Variants in CR1 observed in about 807,000 individuals in gnomAD.
CR1 encodes the protein complement C3b/C4b receptor 1 (Knops blood group).
In CR1, 116 loss-of-function variants were observed where a neutral mutation model predicts 187.3. The ratio of observed to expected loss-of-function variants is 0.62; its 90% CI spans 0.53 to 0.72. The LOEUF (loss-of-function observed/expected upper bound fraction) is 0.72, where lower values mean the gene tolerates loss of function less well. CR1 is among the 30% of genes least tolerant of loss of function. The probability of loss-of-function intolerance (pLI) is 0.00; values close to 1 mark genes in which losing one functional copy is unlikely to be tolerated. For missense variants in CR1, 1,731 were observed against 2,110.7 expected, an observed-to-expected ratio of 0.82 and a Z score of 3.52; for synonymous variants, 576 against 747.1, an observed-to-expected ratio of 0.77 and a Z score of 3.73.
At position 207,580,618 on chromosome 1, in the gene CR1, G is replaced by A; in HGVS notation, c.5216+5G>A. On this transcript the variant is annotated splice_donor_5th_base_variant and intron_variant, in intron 31 of 46. Transcript: ENST00000367049. The stretch of plus-strand genomic sequence containing the variant: ...GTCCTTTGTCTGTGATGAAGGGTAA[G>A]TGTGACCCAGAATTCAGATCAGGGA... 1 of 1,610,128 alleles carries A rather than the reference G, an allele frequency of 6.2e-7. No homozygotes were observed. The highest frequency in any genetic ancestry group is 8.5e-7 in the Non-Finnish European group (1 of 1,177,440).
intron 28 of CR1, among the ~76,000 whole-genome samples, chr1:207,577,229 G>T (rs1378841349): frequency 1.3e-5 from 2 of 148,432 alleles, no homozygotes; most frequent in Non-Finnish European, 3.0e-5. Flanking sequence ...CCAGTGTGGG[G>T]AACAGAGTGA....
Position 207,508,488 on chromosome 1 carries a change from A to G in CR1, c.401+1675A>G, listed in dbSNP as rs143013886. On this transcript the variant is annotated intron_variant, in intron 3 of 46. Coordinates refer to ENST00000367049, the MANE Select transcript of CR1 (RefSeq NM_000651.6). ...CACAAAGTCTATTTTTTAAAACTGCATAGACATAAATACATGGGCATATGT... is the reference window on the plus strand; with the variant it reads ...CACAAAGTCTATTTTTTAAAACTGCGTAGACATAAATACATGGGCATATGT... 8.1e-4 allele frequency among the ~76,000 whole-genome samples: 123 copies of G among 152,372 alleles called. 1 individual carries two copies. Among genetic ancestry groups the G allele is most frequent in the African/African-American group, 1.9e-3 (80 of 41,588 alleles).
chr1:207,525,657 A>T (rs1397602935), intron 5 of CR1, among the ~76,000 whole-genome samples: 1 of 152,064 alleles, frequency 6.6e-6, no homozygotes, highest in Non-Finnish European at 1.5e-5. Context: ...GAGCCCAGCT[A>T]TCAAGGAAGA....
At chr1:207,508,618 T>A (rs1258432922) in intron 3 of CR1, among the ~76,000 whole-genome samples, 1 of 152,256 alleles carries the variant, frequency 6.6e-6, no homozygotes, top group Non-Finnish European at 1.5e-5. Context: ...GTTGCACTAT[T>A]GTTTTGCAAA....
chr1:207,614,886 T>C (rs1453084944), intron 40 of CR1, among the ~76,000 whole-genome samples: 3 of 152,202 alleles, frequency 2.0e-5, no homozygotes, highest in African/African-American at 7.2e-5. Context: ...CACAGCTCAC[T>C]GCAGCCTCAA....
At chr1:207,517,314 AT>A (rs1659836679) in intron 4 of CR1, among the ~76,000 whole-genome samples, 1 of 151,986 alleles carries the variant, frequency 6.6e-6, no homozygotes, top group South Asian at 2.1e-4. Context: ...TCATATTTTT[AT>A]TGTAACATTG....
In CR1 at chr1:207,526,030, C is replaced by T. The variant is rs540879722; in HGVS notation, c.887-723C>T. On this transcript the variant is annotated intron_variant, in intron 5 of 46. Transcript: ENST00000367049. ...AAATGTGTTCTGATTTCCTGAGTTCCAATCAACTATATTAAGAGAGAGCCA... is the reference window on the plus strand; with the variant it reads ...AAATGTGTTCTGATTTCCTGAGTTCTAATCAACTATATTAAGAGAGAGCCA... Among the ~76,000 whole-genome samples, 10 of 152,124 alleles carry T rather than the reference C, an allele frequency of 6.6e-5. No homozygotes were observed. The East Asian group carries it at 1.7e-3, about 26-fold the overall frequency.
chr1:207,575,777 G>A, intron 28 of CR1, 97 bp downstream of exon 28: 1 of 1,566,016 alleles, frequency 6.4e-7, no homozygotes, highest in Admixed American at 1.7e-5. Context: ...CTTGGAAATG[G>A]TATCCTTCTG....
intron 5 of CR1, among the ~76,000 whole-genome samples, chr1:207,524,621 C>G (rs1660110805): frequency 6.6e-6 from 1 of 151,966 alleles, no homozygotes. Context: ...CTCCTCAGCT[C>G]AAGCAATTCA....
intron 32 of CR1, among the ~76,000 whole-genome samples, chr1:207,582,756 A>G (rs1660996873): frequency 6.6e-6 from 1 of 152,194 alleles, no homozygotes; most frequent in Admixed American, 6.5e-5. Flanking sequence ...TGCAGATGAC[A>G]GGATTTGGTG....
At chr1:207,582,123 T>A (rs1227903038) in intron 32 of CR1, 120 bp downstream of exon 32, 2 of 608,924 alleles carry the variant, frequency 3.3e-6, no homozygotes, top group Admixed American at 6.5e-5. Flanking sequence ...TAGAAATTGT[T>A]CTTTGTTGGA....
At position 207,595,709 on chromosome 1, in the gene CR1, T is replaced by C. The variant is rs1246876879; in HGVS notation, c.5810+6935T>C. On this transcript the variant is annotated intron_variant, in intron 35 of 46. Coordinates refer to ENST00000367049, the MANE Select transcript of CR1 (RefSeq NM_000651.6). ...AAAAAGAAAAACTCCCACAAAGCTG[T>C]GGGAGTTTTTCTTTTTGAAGAAGAA... Among the ~76,000 whole-genome samples the C allele has an allele frequency of 2.0e-5, 3 of 151,040 alleles. No homozygotes were observed. The East Asian group carries it at 5.8e-4, about 29-fold the overall frequency.
intron 35 of CR1, among the ~76,000 whole-genome samples, chr1:207,602,527 A>G (rs1354654348): frequency 6.6e-6 from 1 of 152,072 alleles, no homozygotes; most frequent in Non-Finnish European, 1.5e-5. Context: ...ATATAAATAT[A>G]CTCTCTAATG....
chr1:207,502,256 A>G (rs1436225593), intron 1 of CR1, among the ~76,000 whole-genome samples: 1 of 152,242 alleles, frequency 6.6e-6, no homozygotes, highest in East Asian at 1.9e-4. Flanking sequence ...AAAGATAAAA[A>G]GCACAAATTG....
intron 35 of CR1, among the ~76,000 whole-genome samples, chr1:207,594,539 T>C (rs934800571): frequency 2.0e-5 from 3 of 152,068 alleles, no homozygotes; most frequent in Non-Finnish European, 2.9e-5. Flanking sequence ...CACCATGACA[T>C]GTGTATACCT....
chr1:207,594,406 G>A (rs1661367171), intron 35 of CR1, among the ~76,000 whole-genome samples: 1 of 152,078 alleles, frequency 6.6e-6, no homozygotes, highest in Non-Finnish European at 1.5e-5. Context: ...TGAACAATGA[G>A]AACACATGGA....
Position 207,567,934 on chromosome 1 carries a change from G to A in CR1, c.4063G>A (p.Asp1355Asn), listed in dbSNP as rs1212539706. 4.3e-6 allele frequency: 7 copies of A among 1,610,576 alleles called. No homozygotes were observed. The highest frequency in any genetic ancestry group is 5.9e-6 in the Non-Finnish European group (7 of 1,179,634). The change falls in exon 25 of 47, where the codon GAC (aspartate) becomes AAC (asparagine). Residue 1355 changes from aspartate to asparagine, a missense_variant. Physicochemically the swap from Asp to Asn is conservative, Grantham distance 23. This residue lies in a region of CR1 where 1,312 missense variants were observed against 1,379.6 expected (regional missense o/e 0.95). Transcript: ENST00000367049. ...AVNYTCDPHP[D>N]RGTSFDLIGE... ...AAATTACACATGCGACCCCCACCCAGACAGAGGGACGAGCTTCGACCTCAT... is the reference window on the plus strand; with the variant it reads ...AAATTACACATGCGACCCCCACCCAAACAGAGGGACGAGCTTCGACCTCAT...
intron 41 of CR1, among the ~76,000 whole-genome samples, chr1:207,617,544 T>C (rs1229915073): frequency 8.7e-6 from 1 of 114,690 alleles, no homozygotes. Context: ...TGTGTATGTG[T>C]GTATATATAT....
intron 27 of CR1, among the ~76,000 whole-genome samples, chr1:207,572,763 C>G (rs939363820): frequency 6.7e-6 from 1 of 149,266 alleles, no homozygotes; most frequent in African/African-American, 2.5e-5. Flanking sequence ...GGGCCACGCT[C>G]CCTCTGAATC....
Sources: allele counts gnomAD v4.1 joint callset (sites outside exome capture counted in the v4.1 genomes callset), GRCh38; gene constraint gnomAD v4.1.1; regional missense constraint gnomAD v4.1.1; transcripts MANE v1.5; gene names NCBI Gene and HGNC (gene_info 2026-07-23, HGNC 2026-07-21).